The following TANC2 variants were observed in gnomAD, a reference collection of about 807,000 sequenced individuals.
The protein encoded by TANC2 is protein TANC2.
Under a neutral mutation model 210.5 loss-of-function variants are expected in TANC2, and 26 were observed. The ratio of observed to expected loss-of-function variants is 0.12; its 90% CI spans 0.09 to 0.17. The LOEUF (loss-of-function observed/expected upper bound fraction) is 0.17, where lower values mean the gene tolerates loss of function less well. Ranked by LOEUF, TANC2 falls within the 10% of genes least tolerant of loss-of-function variation. The probability of loss-of-function intolerance (pLI) is 1.00; values close to 1 mark genes in which losing one functional copy is unlikely to be tolerated. For synonymous variants in TANC2, 931 were observed against 967.1 expected (o/e 0.96, Z 0.69); for missense variants, 2,129 against 2,608.9 (o/e 0.82, Z 4.01).
intron 9 of TANC2, among the ~76,000 whole-genome samples, chr17:63,308,880 A>T (rs1315816272): frequency 3.3e-5 from 5 of 152,074 alleles, no homozygotes; most frequent in African/African-American, 4.8e-5. Context: ...CTATTGAAAA[A>T]TTTTTTTAAA....
At chr17:63,389,133 A>G (rs1348987653) in intron 16 of TANC2, among the ~76,000 whole-genome samples, 175 bp from the exon 17 acceptor site, 1 of 152,230 alleles carries the variant, frequency 6.6e-6, no homozygotes, top group Non-Finnish European at 1.5e-5. Context: ...TGTAAAGGAG[A>G]TATTTTACAT....
intron 2 of TANC2, among the ~76,000 whole-genome samples, chr17:63,012,205 G>A (rs932204139): frequency 3.3e-5 from 5 of 151,676 alleles, no homozygotes; most frequent in African/African-American, 1.2e-4. Flanking sequence ...ATTTTTTGTA[G>A]AGATGAGATC....
intron 11 of TANC2, among the ~76,000 whole-genome samples, chr17:63,337,244 A>G (rs1272678319): frequency 2.0e-5 from 3 of 152,148 alleles, no homozygotes; most frequent in Admixed American, 6.5e-5. Context: ...TAAAAATTAA[A>G]AGAGAGGCAG....
chr17:63,202,854 G>GTTGT (rs1314811426), intron 7 of TANC2, among the ~76,000 whole-genome samples: 1 of 152,010 alleles, frequency 6.6e-6, no homozygotes, highest in Non-Finnish European at 1.5e-5. Flanking sequence ...AATATTATAT[G>GTTGT]TTGTTTTTTG....
chr17:63,255,060 TTTA>T (rs1380765450), intron 8 of TANC2, among the ~76,000 whole-genome samples: 2 of 35,920 alleles, frequency 5.6e-5, no homozygotes, highest in African/African-American at 1.6e-4. Flanking sequence ...ATAGTTATTT[TTTA>T]TTTATTTATT....
At chr17:63,217,731 T>TA (rs1214122042) in intron 7 of TANC2, among the ~76,000 whole-genome samples, 1 of 152,168 alleles carries the variant, frequency 6.6e-6, no homozygotes, top group Non-Finnish European at 1.5e-5. Context: ...AGGCCAATAT[T>TA]GTTACCCTAA....
chr17:62,969,638 G>C (rs2031572699), intron 1 of TANC2, among the ~76,000 whole-genome samples: 1 of 152,112 alleles, frequency 6.6e-6, no homozygotes. Flanking sequence ...TGTGATGGTG[G>C]TTGGTTTGAA....
intron 4 of TANC2, among the ~76,000 whole-genome samples, chr17:63,113,598 C>A (rs150945604): frequency 1.3e-5 from 2 of 152,292 alleles, no homozygotes; most frequent in South Asian, 4.1e-4. Context: ...GCCTCAACCT[C>A]CTGGGGTCAA....
chr17:63,425,101 G>C (rs921002431), exon 28 of TANC2: 1 of 87,450 alleles, frequency 1.1e-5, no homozygotes, highest in African/African-American at 4.2e-5. Context: ...AGACCATTTT[G>C]TATCTGCTGT....
intron 9 of TANC2, among the ~76,000 whole-genome samples, chr17:63,268,227 C>T (rs776083718): frequency 3.9e-5 from 6 of 152,178 alleles, no homozygotes; most frequent in Non-Finnish European, 8.8e-5. Context: ...AGCCATATTG[C>T]AGGTGAACTG....
intron 11 of TANC2, among the ~76,000 whole-genome samples, chr17:63,337,730 C>A (rs930058469): frequency 1.6e-4 from 24 of 152,082 alleles, no homozygotes; most frequent in African/African-American, 5.5e-4. Context: ...GGCATTAAGC[C>A]TAGTACCCAT....
At chr17:63,164,922 C>G (rs144823834) in intron 5 of TANC2, among the ~76,000 whole-genome samples, 209 of 152,274 alleles carry the variant, frequency 1.4e-3, no homozygotes, top group Middle Eastern at 0.01. Context: ...CCCTCACTCA[C>G]CAGAAATGTT....
chr17:63,087,382 CT>C (rs2037011306), intron 3 of TANC2, among the ~76,000 whole-genome samples: 1 of 152,118 alleles, frequency 6.6e-6, no homozygotes, highest in Admixed American at 6.5e-5. Flanking sequence ...GCCTGTGCCC[CT>C]TCCCTATGAA....
intron 14 of TANC2, among the ~76,000 whole-genome samples, chr17:63,359,962 A>G (rs764049803): frequency 1.8e-4 from 27 of 152,186 alleles, no homozygotes; most frequent in Admixed American, 8.5e-4. Flanking sequence ...TTATTTGACC[A>G]TATTAGTAAG....
At chr17:63,278,699 C>G (rs2043969075) in intron 9 of TANC2, among the ~76,000 whole-genome samples, 1 of 152,048 alleles carries the variant, frequency 6.6e-6, no homozygotes, top group Non-Finnish European at 1.5e-5. Flanking sequence ...GCATTATTCA[C>G]AATTGCCAAG....
At chr17:63,143,809 A>T (rs1052291377) in intron 4 of TANC2, among the ~76,000 whole-genome samples, 19 of 152,040 alleles carry the variant, frequency 1.2e-4, no homozygotes, top group African/African-American at 4.6e-4. Flanking sequence ...CATTATTAGG[A>T]GTTAGTATAA....
At chr17:63,031,180 T>A (rs1197559568) in intron 2 of TANC2, among the ~76,000 whole-genome samples, 1 of 152,132 alleles carries the variant, frequency 6.6e-6, no homozygotes, top group Non-Finnish European at 1.5e-5. Context: ...TCTTCTGGAA[T>A]AGGAGTGGAT....
At chr17:63,289,402 T>C (rs117946178) in intron 9 of TANC2, among the ~76,000 whole-genome samples, 5,509 of 152,244 alleles carry the variant, frequency 0.036, 126 homozygotes, top group Middle Eastern at 0.061. Context: ...GTTTTGAAAG[T>C]TTCTGTTGAT....
chr17:63,393,147 A>C (rs1261611986), intron 17 of TANC2, among the ~76,000 whole-genome samples: 2 of 152,204 alleles, frequency 1.3e-5, no homozygotes. Flanking sequence ...TGAGCTTGAC[A>C]GTTTTGAAGA....
Sources: allele counts gnomAD v4.1 joint callset (sites outside exome capture counted in the v4.1 genomes callset), GRCh38; gene constraint gnomAD v4.1.1; transcripts MANE v1.5; gene names NCBI Gene and HGNC (gene_info 2026-07-23, HGNC 2026-07-21).